ERI1: variants seen among roughly 807,000 people sequenced by gnomAD.
ERI1 encodes the protein exoribonuclease 1.
In ERI1, 39 loss-of-function variants were observed where a neutral mutation model predicts 39.7. The ratio of observed to expected loss-of-function variants is 0.98; its 90% CI spans 0.76 to 1.28. The LOEUF (loss-of-function observed/expected upper bound fraction) is 1.28. Among genes scored for constraint, ERI1 ranks in the 50% most tolerant of loss-of-function variants. ERI1 has a pLI of 0.00. For missense variants in ERI1, 581 were observed against 416.9 expected (o/e 1.39, Z -3.43); for synonymous variants, 204 against 149.6 (o/e 1.36, Z -2.65).
At chr8:9,060,393 C>A (rs1413784939) in intron 3 of ERI1, among the ~76,000 whole-genome samples, 2 of 151,456 alleles carry the variant, frequency 1.3e-5, no homozygotes, top group Non-Finnish European at 2.9e-5. Flanking sequence ...GCCAATTTGC[C>A]AATCCTGGTG....
At chr8:9,004,485 C>CTTGTTTTTTTTTTTTT (rs1815744662) in intron 1 of ERI1, among the ~76,000 whole-genome samples, 5 of 78,328 alleles carry the variant, frequency 6.4e-5, no homozygotes, top group African/African-American at 2.5e-4. Flanking sequence ...TATAGTGATA[C>CTTGTTTTTTTTTTTTT]TTTTTTTTTT....
At chr8:9,098,979 G>GC (rs549202753) in intron 3 of ERI1, among the ~76,000 whole-genome samples, 57 of 151,624 alleles carry the variant, frequency 3.8e-4, no homozygotes, top group Admixed American at 5.9e-4. Context: ...GATTATAGGC[G>GC]CCCCCCCACC....
intron 6 of ERI1, among the ~76,000 whole-genome samples, chr8:9,028,654 C>T (rs1797361359): frequency 6.6e-6 from 1 of 152,032 alleles, no homozygotes; most frequent in Non-Finnish European, 1.5e-5. Context: ...GATGGAACCT[C>T]ACTCTGACGC....
chr8:9,098,491 C>G (rs1407994689), intron 3 of ERI1, among the ~76,000 whole-genome samples: 1 of 152,184 alleles, frequency 6.6e-6, no homozygotes, highest in Non-Finnish European at 1.5e-5. Context: ...GCACTCCAGC[C>G]TGGGTGACAG....
intron 2 of ERI1, 82 bp downstream of exon 2, chr8:9,008,230 T>A (rs1816254020): frequency 1.7e-6 from 2 of 1,177,996 alleles, no homozygotes; most frequent in Admixed American, 6.1e-5. Context: ...ATATTAAAAA[T>A]CATCTGTAAT....
chr8:9,087,639 C>T (rs963879520), intron 3 of ERI1, among the ~76,000 whole-genome samples: 3 of 152,040 alleles, frequency 2.0e-5, no homozygotes, highest in African/African-American at 4.8e-5. Flanking sequence ...TTAATGCACA[C>T]GCAGATACAG....
downstream of ERI1, among the ~76,000 whole-genome samples, chr8:9,037,526 G>T (rs552427845): frequency 2.0e-5 from 3 of 151,854 alleles, no homozygotes; most frequent in East Asian, 5.8e-4. Flanking sequence ...TTCCCCAACA[G>T]GAGTGTAAAT....
intron 4 of ERI1, among the ~76,000 whole-genome samples, chr8:9,017,252 A>T (rs933002097): frequency 6.6e-6 from 1 of 151,934 alleles, no homozygotes; most frequent in East Asian, 1.9e-4. Context: ...GTGTTGGCCA[A>T]GGTGGTCTTG....
intron 3 of ERI1, among the ~76,000 whole-genome samples, chr8:9,068,001 C>A (rs1798935688): frequency 6.6e-6 from 1 of 152,128 alleles, no homozygotes; most frequent in Non-Finnish European, 1.5e-5. Flanking sequence ...CAGTCTCCTT[C>A]CCCCAAGCAA....
chr8:9,069,838 T>G (rs180982685), intron 3 of ERI1, among the ~76,000 whole-genome samples: 225 of 152,350 alleles, frequency 1.5e-3, no homozygotes, highest in Middle Eastern at 6.8e-3. Context: ...GAACATATTA[T>G]TTCCTCCCTG....
At chr8:9,007,902 T>A in intron 1 of ERI1, 68 bp from the exon 2 acceptor site, 1 of 1,519,730 alleles carries the variant, frequency 6.6e-7, no homozygotes, top group Non-Finnish European at 8.8e-7. Context: ...AATCTTTAAA[T>A]CTGTGATGTT....
At chr8:9,008,169 A>G in intron 2 of ERI1, 21 bp downstream of exon 2, 1 of 1,522,604 alleles carries the variant, frequency 6.6e-7, no homozygotes, top group Non-Finnish European at 8.8e-7. Flanking sequence ...ATAACTTATA[A>G]AATTATAAAA....
chr8:9,069,711 CT>C (rs1322406768), intron 3 of ERI1, among the ~76,000 whole-genome samples: 1 of 152,060 alleles, frequency 6.6e-6, no homozygotes, highest in Non-Finnish European at 1.5e-5. Flanking sequence ...CATGTACCCC[CT>C]GAATCTGGAA....
At chr8:9,049,952 T>C (rs1237390288) in intron 3 of ERI1, 1 of 152,200 alleles carries the variant, frequency 6.6e-6, no homozygotes, top group African/African-American at 2.4e-5. Flanking sequence ...CCTCCCTCTG[T>C]TGATTCATTT....
chr8:9,020,982 T>A (rs974723902), intron 6 of ERI1, among the ~76,000 whole-genome samples: 3 of 152,216 alleles, frequency 2.0e-5, no homozygotes, highest in African/African-American at 4.8e-5. Flanking sequence ...TTATACTACT[T>A]CTTGACTTTT....
chr8:9,031,674 G>C lies in ERI1; in HGVS notation c.*1640G>C. 1 of 152,138 alleles carries C rather than the reference G, an allele frequency of 6.6e-6. No individual in the cohort carries two copies. Among genetic ancestry groups the C allele is most frequent in the East Asian group, 1.9e-4 (1 of 5,196 alleles). 9.4% of individuals were successfully genotyped at this position (152,138 alleles called of 1,614,324 possible). A position where few individuals can be genotyped will look rare whatever the true frequency, so the allele number is the denominator to read the frequency against. ...GCTCTATCTGCTAATTTCTTTGCCTGTTTTCACTTTCGCCAAGTACCAACA... is the reference window on the plus strand; with the variant it reads ...GCTCTATCTGCTAATTTCTTTGCCTCTTTTCACTTTCGCCAAGTACCAACA... On this transcript the variant is annotated 3_prime_UTR_variant, in exon 7 of 7. Transcript: ENST00000250263.
rs1449590120 is a variant in ERI1 at position 9,031,688 on chromosome 8, C to T, written c.*1654C>T. 1.3e-5 allele frequency: 2 copies of T among 152,146 alleles called. No homozygotes were observed. The highest frequency in any genetic ancestry group is 4.1e-4 in the South Asian group (2 of 4,822). The allele number at this position is 152,146 out of a possible 1,614,324, so 9.4% of individuals were successfully genotyped here. A position where few individuals can be genotyped will look rare whatever the true frequency, so the allele number is the denominator to read the frequency against. On this transcript the variant is annotated 3_prime_UTR_variant, in exon 7 of 7. Coordinates refer to ENST00000250263, the MANE Select transcript of ERI1 (RefSeq NM_153332.4). The stretch of plus-strand genomic sequence containing the variant: ...TTTCTTTGCCTGTTTTCACTTTCGC[C>T]AAGTACCAACAAGCTCATGTTGTAT...
At chr8:9,097,894 A>G (rs1401457736) in intron 3 of ERI1, among the ~76,000 whole-genome samples, 1 of 152,210 alleles carries the variant, frequency 6.6e-6, no homozygotes, top group Non-Finnish European at 1.5e-5. Flanking sequence ...ATAGTGGATA[A>G]AGAAATTATG....
At position 9,061,478 on chromosome 8, in the gene ERI1, G is replaced by C. The variant is rs958370635; in HGVS notation, n.299+41014G>C. Reference sequence around the variant, plus strand: ...AGGTGTAGAAAGTGAGTTGACCATAGTTTGTGATTTTAAAGGTCTCTGAAA... The same window carrying C: ...AGGTGTAGAAAGTGAGTTGACCATACTTTGTGATTTTAAAGGTCTCTGAAA... On this transcript the variant is annotated intron_variant and non_coding_transcript_variant, in intron 3 of 3. Coordinates refer to the ERI1 transcript ENST00000518663. Among the ~76,000 whole-genome samples, 5 of 152,238 alleles carry C rather than the reference G, an allele frequency of 3.3e-5. 1 individual carries two copies. In the South Asian group the frequency reaches 1.0e-3, roughly 32 times the overall value.
Sources: allele counts gnomAD v4.1 joint callset (sites outside exome capture counted in the v4.1 genomes callset), GRCh38; gene constraint gnomAD v4.1.1; transcripts MANE v1.5; gene names NCBI Gene and HGNC (gene_info 2026-07-23, HGNC 2026-07-21).